DRC10: variants seen among roughly 807,000 people sequenced by gnomAD.
DRC10 encodes the protein IQ domain-containing protein D.
At chr12:113,200,375 C>T in the DRC10 span, 1 of 693,348 alleles carries the variant, frequency 1.4e-6, no homozygotes, top group South Asian at 1.5e-5. Context: ...CTGTGTGCTG[C>T]CCCTTCCTGC....
chr12:113,217,136 A>G, the DRC10 span, among the ~76,000 whole-genome samples: 1 of 152,122 alleles, frequency 6.6e-6, no homozygotes, highest in Non-Finnish European at 1.5e-5. Flanking sequence ...TCCTGCTCTC[A>G]GGCACTAATG....
the DRC10 span, among the ~76,000 whole-genome samples, chr12:113,205,865 C>T: frequency 5.9e-5 from 8 of 134,466 alleles, no homozygotes; most frequent in African/African-American, 8.5e-5. Flanking sequence ...GTCCGCAGTC[C>T]GGCTTCCGGC....
the DRC10 span, chr12:113,207,143 T>A: frequency 2.4e-6 from 1 of 414,216 alleles, no homozygotes; most frequent in East Asian, 5.6e-5. Context: ...AGGTCAGGAG[T>A]TCTAGACCAG....
At chr12:113,208,614 C>T in the DRC10 span, 1 of 165,822 alleles carries the variant, frequency 6.0e-6, no homozygotes, top group Non-Finnish European at 1.3e-5. Flanking sequence ...CAGGAAGCCA[C>T]CACATGAAGA....
At chr12:113,197,513 CGA>C in the DRC10 span, 1 of 1,459,412 alleles carries the variant, frequency 6.9e-7, no homozygotes, top group African/African-American at 1.4e-5. Context: ...GAAAAGCATG[CGA>C]GAGAGACTTA....
At chr12:113,207,938 C>T in the DRC10 span, 9 of 1,614,238 alleles carry the variant, frequency 5.6e-6, no homozygotes, top group Non-Finnish European at 6.8e-6. Context: ...TCCATATCCT[C>T]TCTGTTGGAT....
At chr12:113,208,413 G>T in the DRC10 span, 5 of 1,278,870 alleles carry the variant, frequency 3.9e-6, no homozygotes, top group South Asian at 7.6e-5. Context: ...TTTCAGCTTT[G>T]TGAGGGTGTT....
At chr12:113,197,610 C>A in the DRC10 span, 6 of 1,523,244 alleles carry the variant, frequency 3.9e-6, no homozygotes, top group South Asian at 7.2e-5. Flanking sequence ...CTTTATATTT[C>A]TTCTAGAAAA....
At chr12:113,207,973 A>G in the DRC10 span, 1 of 1,614,016 alleles carries the variant, frequency 6.2e-7, no homozygotes, top group Non-Finnish European at 8.5e-7. Context: ...CAAGGTCACC[A>G]GCTCCACCTT....
chr12:113,207,718 T>A, the DRC10 span: 1 of 1,613,902 alleles, frequency 6.2e-7, no homozygotes, highest in Non-Finnish European at 8.5e-7. Flanking sequence ...CTTGGTGGAG[T>A]CTTTGATCTG....
the DRC10 span, chr12:113,200,524 ACCCATCCCC>A: frequency 1.8e-6 from 1 of 563,958 alleles, no homozygotes; most frequent in Non-Finnish European, 3.2e-6. Context: ...GAACAGTCCC[ACCCATCCCC>A]CCCACCAGGG....
chr12:113,207,260 A>C, the DRC10 span: 3 of 681,370 alleles, frequency 4.4e-6, no homozygotes, highest in Non-Finnish European at 7.9e-6. Flanking sequence ...TGGTGGGAGA[A>C]TCGCTTGAAC....
At chr12:113,213,954 A>G in the DRC10 span, among the ~76,000 whole-genome samples, 10 of 152,052 alleles carry the variant, frequency 6.6e-5, no homozygotes, top group African/African-American at 2.2e-4. Context: ...AAAAAAAACA[A>G]AAACAAAAAA....
the DRC10 span, among the ~76,000 whole-genome samples, chr12:113,215,015 A>G: frequency 6.6e-6 from 1 of 152,186 alleles, no homozygotes; most frequent in African/African-American, 2.4e-5. Flanking sequence ...TGCAGGCTCC[A>G]GGATTATCTG....
At chr12:113,206,787 T>C in the DRC10 span, among the ~76,000 whole-genome samples, 1 of 149,288 alleles carries the variant, frequency 6.7e-6, no homozygotes, top group East Asian at 2.0e-4. Flanking sequence ...AGGCCGGGCA[T>C]AGTGGCTCAT....
chr12:113,219,320 G>A, the DRC10 span, among the ~76,000 whole-genome samples: 3 of 152,232 alleles, frequency 2.0e-5, no homozygotes, highest in Non-Finnish European at 4.4e-5. Flanking sequence ...ACAGGCACGA[G>A]CCACTGTGCC....
the DRC10 span, among the ~76,000 whole-genome samples, chr12:113,203,407 G>A: frequency 6.6e-6 from 1 of 152,086 alleles, no homozygotes; most frequent in African/African-American, 2.4e-5. Context: ...AGGATCCCTT[G>A]AAGCTAGGAG....
chr12:113,198,323 G>A, the DRC10 span, among the ~76,000 whole-genome samples: 1 of 152,348 alleles, frequency 6.6e-6, no homozygotes, highest in East Asian at 1.9e-4. Flanking sequence ...GGAAAAGGCT[G>A]TGTCACAGAG....
At chr12:113,204,925 CA>C in the DRC10 span, among the ~76,000 whole-genome samples, 165 of 142,610 alleles carry the variant, frequency 1.2e-3, no homozygotes, top group Non-Finnish European at 1.2e-3. Context: ...AAGACTGTCT[CA>C]AAAAAAAAAA....
Sources: gnomAD v4.1 joint callset for allele counts (sites outside exome capture counted in the v4.1 genomes callset) on GRCh38, gnomAD v4.1.1 for gene constraint, MANE v1.5 for transcripts, NCBI Gene and HGNC (gene_info 2026-07-23, HGNC 2026-07-21) for gene names.